ARHGAP6: variants seen among roughly 807,000 people sequenced by gnomAD.
ARHGAP6 encodes the protein Rho GTPase activating protein 6, also known as rho GTPase-activating protein 6.
A neutral mutation model predicts 55.7 loss-of-function variants in ARHGAP6; 16 were observed. The observed-to-expected ratio is 0.29, with a 90% CI of 0.19 to 0.44. The LOEUF (loss-of-function observed/expected upper bound fraction) is 0.44, where lower values mean the gene tolerates loss of function less well. ARHGAP6 is among the 20% of genes least tolerant of loss of function. ARHGAP6 has a pLI of 1.00. For synonymous variants in ARHGAP6, 382 were observed against 360.9 expected, an observed-to-expected ratio of 1.06 and a Z score of -0.66; for missense variants, 698 against 808.9, an observed-to-expected ratio of 0.86 and a Z score of 1.66.
intron 1 of ARHGAP6, among the ~76,000 whole-genome samples, chrX:11,270,261 C>T (rs1455418872): frequency 9.0e-6 from 1 of 111,716 alleles, no homozygotes; most frequent in African/African-American, 3.3e-5. Context: ...TATTCACTTC[C>T]TTGGAAGACC....
chrX:11,624,755 G>A (rs1467073065), intron 1 of ARHGAP6, among the ~76,000 whole-genome samples: 16 of 111,012 alleles, frequency 1.4e-4, no homozygotes, highest in African/African-American at 3.3e-4. Flanking sequence ...GTTTCACCGC[G>A]TTAGCCAGGA....
At chrX:11,282,174 C>G (rs968126373) in intron 1 of ARHGAP6, among the ~76,000 whole-genome samples, 3 of 112,140 alleles carry the variant, frequency 2.7e-5, no homozygotes, top group African/African-American at 9.7e-5. Flanking sequence ...AAACCATATA[C>G]TCAGAGGAAG....
At chrX:11,296,444 G>A (rs1308890879) in intron 1 of ARHGAP6, among the ~76,000 whole-genome samples, 1 of 111,490 alleles carries the variant, frequency 9.0e-6, no homozygotes, top group South Asian at 3.8e-4. Flanking sequence ...AACACTGGGC[G>A]TGGGGGTGGG....
intron 2 of ARHGAP6, among the ~76,000 whole-genome samples, chrX:11,240,747 A>G (rs1334853640): frequency 9.1e-6 from 1 of 110,489 alleles, no homozygotes; most frequent in Non-Finnish European, 1.9e-5. Flanking sequence ...GTGGAAACCT[A>G]ATTAAAGCAA....
intron 11 of ARHGAP6, chrX:11,143,678 C>T: frequency 9.7e-7 from 1 of 1,035,829 alleles, no homozygotes. Context: ...TCCTAGGATG[C>T]TGGAGGGAAA....
chrX:11,315,277 T>G (rs1036309246), intron 1 of ARHGAP6, among the ~76,000 whole-genome samples: 1 of 112,539 alleles, frequency 8.9e-6, no homozygotes, highest in African/African-American at 3.2e-5. Context: ...AGCATGAAAC[T>G]GTTCCACTTC....
At chrX:11,493,360 A>T (rs2050590712) in intron 1 of ARHGAP6, among the ~76,000 whole-genome samples, 1 of 111,915 alleles carries the variant, frequency 8.9e-6, no homozygotes, top group African/African-American at 3.3e-5. Flanking sequence ...AGCCCATCCC[A>T]AAAGCTCAGA....
intron 1 of ARHGAP6, among the ~76,000 whole-genome samples, chrX:11,263,777 T>A: frequency 8.9e-6 from 1 of 111,756 alleles, no homozygotes; most frequent in Non-Finnish European, 1.9e-5. Context: ...AGTCCCAGTT[T>A]TGCCACTTAC....
chrX:11,531,164 C>T (rs1031058282), intron 1 of ARHGAP6, among the ~76,000 whole-genome samples: 4 of 111,219 alleles, frequency 3.6e-5, no homozygotes, highest in African/African-American at 1.3e-4. Flanking sequence ...CTTACTGCAT[C>T]TAATTTACAT....
intron 9 of ARHGAP6, among the ~76,000 whole-genome samples, chrX:11,159,380 C>T (rs2045909003): frequency 9.0e-6 from 1 of 111,131 alleles, no homozygotes; most frequent in African/African-American, 3.3e-5. Flanking sequence ...TGCTGATCTA[C>T]CCAGATAAGA....
At position 11,179,456 on chromosome X, in the gene ARHGAP6, G is replaced by T; in HGVS notation, c.1330-4C>A. 8.3e-7 allele frequency: 1 copy of T among 1,205,710 alleles called. No homozygotes were observed. The highest frequency in any genetic ancestry group is 1.1e-6 in the Non-Finnish European group (1 of 893,104). On this transcript the variant is annotated splice_region_variant and splice_polypyrimidine_tract_variant and intron_variant, in intron 6 of 12. Transcript: ENST00000337414. ...CACGGTCAAATTCCTCACGTAACTG[G>T]AAGAACAATGGTTCGAGTGGCAGTC...
intron 1 of ARHGAP6, among the ~76,000 whole-genome samples, chrX:11,499,430 T>C (rs1293202699): frequency 8.9e-6 from 1 of 112,079 alleles, no homozygotes; most frequent in Non-Finnish European, 1.9e-5. Context: ...TAGGACTTTT[T>C]TTCTATTAAT....
At chrX:11,352,083 T>C (rs535550174) in intron 1 of ARHGAP6, among the ~76,000 whole-genome samples, 26 of 112,793 alleles carry the variant, frequency 2.3e-4, no homozygotes, top group African/African-American at 8.0e-4. Flanking sequence ...TATACCTCAG[T>C]AACACCATGT....
chrX:11,225,276 T>C (rs1456250816), intron 2 of ARHGAP6, among the ~76,000 whole-genome samples: 2 of 110,865 alleles, frequency 1.8e-5, no homozygotes, highest in Non-Finnish European at 3.8e-5. Flanking sequence ...GGAAGGTTCA[T>C]CTATGTGCAT....
At chrX:11,346,144 C>T (rs1389956668) in intron 1 of ARHGAP6, among the ~76,000 whole-genome samples, 1 of 111,402 alleles carries the variant, frequency 9.0e-6, no homozygotes. Flanking sequence ...AAGCACTACA[C>T]TCCCCTGTAG....
intron 1 of ARHGAP6, among the ~76,000 whole-genome samples, chrX:11,661,590 G>T (rs1039717588): frequency 2.7e-5 from 3 of 112,607 alleles, no homozygotes; most frequent in African/African-American, 6.4e-5. Flanking sequence ...AAATGGATGA[G>T]ATCCATCAAT....
At chrX:11,405,234 A>C (rs997933173) in intron 1 of ARHGAP6, among the ~76,000 whole-genome samples, 1 of 111,416 alleles carries the variant, frequency 9.0e-6, no homozygotes, top group Non-Finnish European at 1.9e-5. Flanking sequence ...ATGGGTGCCC[A>C]CCTTGAGGTC....
At chrX:11,233,360 A>T (rs1247526562) in intron 2 of ARHGAP6, among the ~76,000 whole-genome samples, 1 of 111,630 alleles carries the variant, frequency 9.0e-6, no homozygotes, top group East Asian at 2.8e-4. Flanking sequence ...AATGCGCATT[A>T]AATCAGATAT....
At chrX:11,194,379 G>A (rs1300643969) in intron 3 of ARHGAP6, among the ~76,000 whole-genome samples, 4 of 111,645 alleles carry the variant, frequency 3.6e-5, no homozygotes. Flanking sequence ...TTATCTAGAA[G>A]TTGCACTTTA....
Sources: allele counts gnomAD v4.1 joint callset (sites outside exome capture counted in the v4.1 genomes callset), GRCh38; gene constraint gnomAD v4.1.1; transcripts MANE v1.5; gene names NCBI Gene and HGNC (gene_info 2026-07-23, HGNC 2026-07-21).